The following TMOD3 variants were observed in gnomAD, a reference collection of about 807,000 sequenced individuals.
TMOD3 encodes the protein tropomodulin-3.
A neutral mutation model predicts 39.2 loss-of-function variants in TMOD3; 20 were observed. That is an observed-to-expected ratio of 0.51 (90% CI 0.36 to 0.74). The LOEUF is 0.74. TMOD3 is among the 30% of genes least tolerant of loss of function. TMOD3 has a pLI of 0.00. For missense variants in TMOD3, 381 were observed against 412.8 expected (o/e 0.92, Z 0.67); for synonymous variants, 143 against 145.8 (o/e 0.98, Z 0.14).
At chr15:51,867,320 A>G (rs1056556625) in intron 2 of TMOD3, among the ~76,000 whole-genome samples, 6 of 152,236 alleles carry the variant, frequency 3.9e-5, no homozygotes, top group South Asian at 2.1e-4. Flanking sequence ...TTGCAGGTCA[A>G]TTGGAAATGG....
At chr15:51,846,639 A>T (rs2141672950) in intron 1 of TMOD3, among the ~76,000 whole-genome samples, 1 of 152,314 alleles carries the variant, frequency 6.6e-6, no homozygotes, top group East Asian at 1.9e-4. Context: ...ATTTTGATTG[A>T]TGGCTGAGCA....
chr15:51,886,709 C>T (rs1022471456), intron 3 of TMOD3, among the ~76,000 whole-genome samples: 6 of 151,214 alleles, frequency 4.0e-5, no homozygotes, highest in African/African-American at 9.8e-5. Context: ...AGAGGGAGAC[C>T]GTGGAGAGAG....
chr15:51,841,715 A>G (rs12591316), intron 1 of TMOD3, among the ~76,000 whole-genome samples: 3 of 152,050 alleles, frequency 2.0e-5, no homozygotes, highest in East Asian at 3.9e-4. Context: ...ACTATCCCCA[A>G]TTGCCACTAG....
intron 1 of TMOD3, among the ~76,000 whole-genome samples, chr15:51,851,698 T>G (rs2056362779): frequency 6.6e-6 from 1 of 152,184 alleles, no homozygotes; most frequent in South Asian, 2.1e-4. Flanking sequence ...AGGTGTGGAA[T>G]AAGAAATATT....
intron 2 of TMOD3, among the ~76,000 whole-genome samples, chr15:51,864,301 C>T (rs1420667609): frequency 4.0e-5 from 6 of 148,908 alleles, no homozygotes; most frequent in Non-Finnish European, 5.9e-5. Flanking sequence ...AAGCATAAGA[C>T]TTTATCTAGT....
chr15:51,887,858 C>A lies in TMOD3; in HGVS notation c.406+147C>A, dbSNP rs183940792. 4.3e-6 allele frequency: 4 copies of A among 934,980 alleles called. No homozygotes were observed. The Admixed American group carries it at 9.7e-5, about 23-fold the overall frequency. The allele number at this position is 934,980 out of a possible 1,614,324, so 57.9% of individuals were successfully genotyped here. A position where few individuals can be genotyped will look rare whatever the true frequency, so the allele number is the denominator to read the frequency against. On this transcript the variant is annotated intron_variant, in intron 4 of 9. Coordinates refer to ENST00000308580, the MANE Select transcript of TMOD3 (RefSeq NM_014547.5). ...CACATATTTGGCTTTATATTTTACA[C>A]GGTAAAGCTGACGTAAAGAGTTTCA...
chr15:51,833,397 A>G (rs531524160), intron 1 of TMOD3: 3 of 152,362 alleles, frequency 2.0e-5, no homozygotes, highest in African/African-American at 7.2e-5. Context: ...ATGTATAATT[A>G]ACATTCAATA....
intron 3 of TMOD3, among the ~76,000 whole-genome samples, chr15:51,885,497 C>G (rs184241656): frequency 6.6e-6 from 1 of 152,094 alleles, no homozygotes; most frequent in African/African-American, 2.4e-5. Context: ...TGACTCTCAA[C>G]GAGCATGCTG....
intron 2 of TMOD3, among the ~76,000 whole-genome samples, chr15:51,866,461 C>G (rs7162925): frequency 0.36 from 54,403 of 151,336 alleles, 10,278 homozygotes; most frequent in Admixed American, 0.43. Context: ...CTGTCTCCCC[C>G]CTACCCAAAA....
chr15:51,856,467 T>G (rs925755371), intron 1 of TMOD3, among the ~76,000 whole-genome samples: 3 of 152,102 alleles, frequency 2.0e-5, no homozygotes, highest in Admixed American at 1.3e-4. Flanking sequence ...AAAACCTAGC[T>G]AAAGAAGTAA....
Position 51,913,569 on chromosome 15 carries a change from A to T in TMOD3, c.*4759A>T, listed in dbSNP as rs2056721326. On this transcript the variant is annotated 3_prime_UTR_variant, in exon 10 of 10. Coordinates refer to ENST00000308580, the MANE Select transcript of TMOD3 (RefSeq NM_014547.5). ...AGTTCTTCCCTATAAAAAATGAATG[A>T]ATTAGAAATTTGATAATAAAACATA... The T allele has an allele frequency of 6.6e-6, 1 of 152,260 alleles. No homozygotes were observed. 9.4% of individuals were successfully genotyped at this position (152,260 alleles called of 1,614,324 possible). A position where few individuals can be genotyped will look rare whatever the true frequency, so the allele number is the denominator to read the frequency against.
At position 51,910,370 on chromosome 15, in the gene TMOD3, G is replaced by A. The variant is rs2056704047; in HGVS notation, c.*1560G>A. The A allele has an allele frequency of 6.6e-6, 1 of 152,264 alleles. No individual in the cohort carries two copies. The highest frequency in any genetic ancestry group is 2.4e-5 in the African/African-American group (1 of 41,452). The allele number at this position is 152,264 out of a possible 1,614,324, so 9.4% of individuals were successfully genotyped here. A position where few individuals can be genotyped will look rare whatever the true frequency, so the allele number is the denominator to read the frequency against. ...GTGGGTGGATCACTTAAGGTCAGGA[G>A]TTCAAGACCAGCCTGGCCAACATGG... On this transcript the variant is annotated 3_prime_UTR_variant, in exon 10 of 10. Coordinates refer to ENST00000308580, the MANE Select transcript of TMOD3 (RefSeq NM_014547.5).
At chr15:51,863,292 A>G (rs2056428544) in intron 2 of TMOD3, among the ~76,000 whole-genome samples, 1 of 152,194 alleles carries the variant, frequency 6.6e-6, no homozygotes, top group South Asian at 2.1e-4. Flanking sequence ...AGGAAGGGAT[A>G]TTTTTAGTAC....
chr15:51,897,781 C>CAAAAAAAA (rs35282838), intron 7 of TMOD3, among the ~76,000 whole-genome samples: 5 of 111,036 alleles, frequency 4.5e-5, no homozygotes, highest in Non-Finnish European at 9.4e-5. Flanking sequence ...CCACGCCCAG[C>CAAAAAAAA]AAAAAAAAAA....
intron 5 of TMOD3, among the ~76,000 whole-genome samples, chr15:51,890,572 ATAT>A (rs1383472405): frequency 6.6e-6 from 1 of 152,046 alleles, no homozygotes; most frequent in Admixed American, 6.6e-5. Flanking sequence ...TATGAAATAG[ATAT>A]TATTATTTTT....
At position 51,910,866 on chromosome 15, in the gene TMOD3, G is replaced by A. The variant is rs1368834793; in HGVS notation, c.*2056G>A. Reference sequence around the variant, plus strand: ...TTGCACTATTCCCTGTCAGTTAAAGGCCACTGATATTTTTCTAAGTTAGCA... The same window carrying A: ...TTGCACTATTCCCTGTCAGTTAAAGACCACTGATATTTTTCTAAGTTAGCA... On this transcript the variant is annotated 3_prime_UTR_variant, in exon 10 of 10. Transcript: ENST00000308580. 2 of 151,962 alleles carry A rather than the reference G, an allele frequency of 1.3e-5. No individual in the cohort carries two copies. The highest frequency in any genetic ancestry group is 2.9e-5 in the Non-Finnish European group (2 of 68,004). 9.4% of individuals were successfully genotyped at this position (151,962 alleles called of 1,614,324 possible).
At chr15:51,894,780 C>T (rs2056612596) in intron 6 of TMOD3, among the ~76,000 whole-genome samples, 1 of 152,022 alleles carries the variant, frequency 6.6e-6, no homozygotes, top group Non-Finnish European at 1.5e-5. Context: ...AGTTGGAAGA[C>T]ATATGGGTTC....
chr15:51,905,733 A>G (rs1450198593), intron 9 of TMOD3, among the ~76,000 whole-genome samples: 1 of 152,124 alleles, frequency 6.6e-6, no homozygotes, highest in Non-Finnish European at 1.5e-5. Flanking sequence ...TTGACAACTT[A>G]TATCAGTGGA....
rs759488482 is a variant in TMOD3 at position 51,862,993 on chromosome 15, G to A, written c.109G>A (p.Asp37Asn). The A allele has an allele frequency of 6.2e-7, 1 of 1,613,432 alleles. No individual in the cohort carries two copies. Among genetic ancestry groups the A allele is most frequent in the South Asian group, 1.1e-5 (1 of 90,904 alleles). The change falls in exon 2 of 10, where the codon GAT (aspartate) becomes AAT (asparagine). Residue 37 changes from aspartate (D) to asparagine (N), a missense_variant. Transcript: ENST00000308580. ...ACTGAAACAACTGGAAACTGTTTTGGATGATCTTGACCCCGAGGTAGGTGC... is the reference window on the plus strand; with the variant it reads ...ACTGAAACAACTGGAAACTGTTTTGAATGATCTTGACCCCGAGGTAGGTGC... ...TELKQLETVL[D>N]DLDPENALLP...
Sources: allele counts gnomAD v4.1 joint callset (sites outside exome capture counted in the v4.1 genomes callset), GRCh38; gene constraint gnomAD v4.1.1; transcripts MANE v1.5; gene names NCBI Gene and HGNC (gene_info 2026-07-23, HGNC 2026-07-21).